ARHGEF17: variants seen among roughly 807,000 people sequenced by gnomAD.
The protein encoded by ARHGEF17 is 164 kDa Rho-specific guanine-nucleotide exchange factor.
In ARHGEF17, 80 loss-of-function variants were observed where a neutral mutation model predicts 174.0. That is an observed-to-expected ratio of 0.46 (90% CI 0.38 to 0.55). The LOEUF is 0.55. Among genes scored for constraint, ARHGEF17 ranks in the 20% least tolerant of loss-of-function variants. ARHGEF17 has a pLI of 0.00. For synonymous variants in ARHGEF17, 1,311 were observed against 1,189.1 expected (o/e 1.10, Z -2.11); for missense variants, 2,886 against 2,839.7 (o/e 1.02, Z -0.37).
At chr11:73,334,047 A>G (rs1469973980) in intron 1 of ARHGEF17, among the ~76,000 whole-genome samples, 2 of 152,234 alleles carry the variant, frequency 1.3e-5, no homozygotes, top group African/African-American at 4.8e-5. Context: ...TGTTGTAGGC[A>G]TGGAAGCTGC....
chr11:73,334,499 T>G (rs1865256664), intron 1 of ARHGEF17, among the ~76,000 whole-genome samples: 1 of 152,124 alleles, frequency 6.6e-6, no homozygotes, highest in Non-Finnish European at 1.5e-5. Context: ...TCCCTAGGTC[T>G]CTGGTGGCAT....
At position 73,308,422 on chromosome 11, in the gene ARHGEF17, G is replaced by C. The variant is rs1035802704; in HGVS notation, c.-217G>C. On this transcript the variant is annotated 5_prime_UTR_variant, in exon 1 of 21. Transcript: ENST00000263674. ...GGGGCTGGGCCTGGGGGTCGGCGCT[G>C]AGGCGGGAGGGGCCGCCCGGGATGG... 1 of 432,976 alleles carries C rather than the reference G, an allele frequency of 2.3e-6. No homozygotes were observed. Among genetic ancestry groups the C allele is most frequent in the African/African-American group, 2.1e-5 (1 of 48,674 alleles). 26.8% of individuals were successfully genotyped at this position (432,976 alleles called of 1,614,324 possible). A position where few individuals can be genotyped will look rare whatever the true frequency, so the allele number is the denominator to read the frequency against.
At chr11:73,314,705 G>A (rs1346354808) in intron 1 of ARHGEF17, among the ~76,000 whole-genome samples, 3 of 152,104 alleles carry the variant, frequency 2.0e-5, no homozygotes, top group Admixed American at 2.0e-4. Flanking sequence ...TGTGTGCCGG[G>A]AGGTGAGGAG....
rs374477613 is a variant in ARHGEF17 at position 73,363,729 on chromosome 11, G to A, written c.5247-18G>A. ...TGTGCCCCAAGCATTTGTCCCAGGT[G>A]CATACCCCGATCCACAGTGTCCACG... On this transcript the variant is annotated intron_variant, in intron 15 of 20. Transcript: ENST00000263674. 1.1e-5 allele frequency: 17 copies of A among 1,613,626 alleles called. No homozygotes were observed. The African/African-American group carries it at 1.7e-4, about 16-fold the overall frequency.
rs1865871909 is a variant in ARHGEF17, at chr11:73,368,033, A to C, written c.*253A>C. ...CGGGTGGGGGACATGTGGGCTGACC[A>C]GGACCTCTGACCCTGGAGCTTCTAC... is the stretch of plus-strand genomic sequence containing the variant. On this transcript the variant is annotated 3_prime_UTR_variant, in exon 21 of 21. Transcript: ENST00000263674. 2.2e-6 allele frequency: 1 copy of C among 446,330 alleles called. No homozygotes were observed. The highest frequency in any genetic ancestry group is 4.1e-6 in the Non-Finnish European group (1 of 246,418). The allele number at this position is 446,330 out of a possible 1,614,324, so 27.6% of individuals were successfully genotyped here.
rs199691343 is a variant in ARHGEF17 at position 73,365,442 on chromosome 11, A to C, written c.5603A>C (p.Asp1868Ala). ...DSSRCVACMV[D>A]SSLGVWVTLK... ...AGCCGCTGCGTGGCTTGCATGGTGG[A>C]CTCCAGCCTGGGTGTGTGGGTGACA... Residue 1868 changes from aspartate to alanine, a missense_variant, in exon 19 of 21, where the codon GAC (aspartate) becomes GCC (alanine). Asp to Ala is a moderately radical substitution (Grantham distance 126). Coordinates refer to ENST00000263674, the MANE Select transcript of ARHGEF17 (RefSeq NM_014786.4). This position sits in a 1 kb window ranked among gnomAD's most constrained non-coding sequence, Gnocchi z 4.9. 17 of 1,613,704 alleles carry C rather than the reference A, an allele frequency of 1.1e-5. No individual in the cohort carries two copies. Among genetic ancestry groups the C allele is most frequent in the Non-Finnish European group, 9.3e-6 (11 of 1,179,984 alleles).
At chr11:73,328,977 A>C (rs1343989175) in intron 1 of ARHGEF17, among the ~76,000 whole-genome samples, 1 of 152,154 alleles carries the variant, frequency 6.6e-6, no homozygotes, top group Non-Finnish European at 1.5e-5. Flanking sequence ...GGCTGTTCAG[A>C]GATGAGACGT....
Position 73,362,561 on chromosome 11 carries a change from T to C in ARHGEF17, c.4823T>C (p.Leu1608Pro). ...TLAEPGPQPCLHISIAGSGLE... is the reference protein window; with the variant it reads ...TLAEPGPQPCPHISIAGSGLE... ...GCGGAGCCGGGGCCGCAGCCCTGCC[T>C]TCACATCTCCATTGCAGGCTCGGGC... is the stretch of plus-strand genomic sequence containing the variant. Residue 1608 changes from leucine to proline, a missense_variant, in exon 14 of 21, where the codon CTT (leucine) becomes CCT (proline). This residue lies in a region of ARHGEF17 where 476 missense variants were observed against 473.1 expected (regional missense o/e 1.01). Transcript: ENST00000263674. 6.2e-7 allele frequency: 1 copy of C among 1,609,450 alleles called. No homozygotes were observed. Among genetic ancestry groups the C allele is most frequent in the Non-Finnish European group, 8.5e-7 (1 of 1,179,642 alleles).
chr11:73,317,311 G>C (rs1489658610), intron 1 of ARHGEF17, among the ~76,000 whole-genome samples: 3 of 152,154 alleles, frequency 2.0e-5, no homozygotes, highest in Admixed American at 6.5e-5. Context: ...ACCCCCCAAG[G>C]TAGCCCCATC....
At chr11:73,344,653 G>A (rs568170414) in intron 1 of ARHGEF17, among the ~76,000 whole-genome samples, 9 of 152,362 alleles carry the variant, frequency 5.9e-5, no homozygotes, top group Non-Finnish European at 1.2e-4. Context: ...GACCTGCTGC[G>A]TGTGGACAGA....
chr11:73,361,878 C>T (rs1243561942), intron 12 of ARHGEF17, among the ~76,000 whole-genome samples, 162 bp from the exon 13 acceptor site: 1 of 151,212 alleles, frequency 6.6e-6, no homozygotes, highest in Non-Finnish European at 1.5e-5. Flanking sequence ...GGTCCTGTGC[C>T]GCGTGTATGT....
chr11:73,308,985 A>C lies in ARHGEF17; in HGVS notation c.347A>C (p.Glu116Ala), dbSNP rs1050990089. Residue 116 changes from glutamate (E) to alanine (A), a missense_variant, in exon 1 of 21, where the codon GAG becomes GCG. By Grantham distance (107) the Glu-to-Ala change is moderately radical (BLOSUM62 -1). Coordinates refer to ENST00000263674, the MANE Select transcript of ARHGEF17 (RefSeq NM_014786.4). Reference protein sequence around the residue: ...VLPAAAEEAAEGPARGAWPSV... With the variant: ...VLPAAAEEAAAGPARGAWPSV... The stretch of plus-strand genomic sequence containing the variant: ...CCCGCGGCCGCGGAAGAAGCGGCCG[A>C]GGGCCCAGCGCGAGGAGCCTGGCCC... 27 of 1,374,700 alleles carry C rather than the reference A, an allele frequency of 2.0e-5. No homozygotes were observed. The highest frequency in any genetic ancestry group is 2.4e-5 in the Non-Finnish European group (26 of 1,069,004). The allele number at this position is 1,374,700 out of a possible 1,614,324, so 85.2% of individuals were successfully genotyped here.
At position 73,310,827 on chromosome 11, in the gene ARHGEF17, C is replaced by T. The variant is rs1438247019; in HGVS notation, c.2189C>T (p.Ala730Val). 2 of 1,612,046 alleles carry T rather than the reference C, an allele frequency of 1.2e-6. No homozygotes were observed. Among genetic ancestry groups the T allele is most frequent in the African/African-American group, 2.7e-5 (2 of 75,024 alleles). Residue 730 changes from alanine to valine, a missense_variant, in exon 1 of 21, where the codon GCC (alanine) becomes GTC (valine). This residue lies in a region of ARHGEF17 where 1,728 missense variants were observed against 1,461.2 expected (regional missense o/e 1.18). Coordinates refer to ENST00000263674, the MANE Select transcript of ARHGEF17 (RefSeq NM_014786.4). ...SELSNGEAGE[A>V]YRSLSDPIPQ... is the part of the protein sequence containing the mutation. ...TTGAGCAATGGGGAGGCAGGGGAGG[C>T]CTACAGGTCCCTGAGTGACCCAATT...
At chr11:73,330,932 G>A (rs1455820633) in intron 1 of ARHGEF17, among the ~76,000 whole-genome samples, 1 of 152,226 alleles carries the variant, frequency 6.6e-6, no homozygotes, top group Admixed American at 6.5e-5. Context: ...GGCACAGCAG[G>A]TGGGGGTGGG....
At chr11:73,332,550 G>C (rs1865225843) in intron 1 of ARHGEF17, among the ~76,000 whole-genome samples, 1 of 152,152 alleles carries the variant, frequency 6.6e-6, no homozygotes, top group Non-Finnish European at 1.5e-5. Context: ...TGGACCTTGA[G>C]GTTGTCGCCA....
In ARHGEF17 at chr11:73,369,017, C is replaced by T. The variant is rs1400220055; in HGVS notation, c.*1237C>T. On this transcript the variant is annotated 3_prime_UTR_variant, in exon 21 of 21. Transcript: ENST00000263674. ...TCTTAGATTATGTTTCTCTTGCTACCAAACAGTCATGTATTAACTCTCTTT... is the reference window on the plus strand; with the variant it reads ...TCTTAGATTATGTTTCTCTTGCTACTAAACAGTCATGTATTAACTCTCTTT... 2.0e-5 allele frequency: 3 copies of T among 152,484 alleles called. No individual in the cohort carries two copies. The highest frequency in any genetic ancestry group is 4.1e-4 in the South Asian group (2 of 4,828). 9.4% of individuals were successfully genotyped at this position (152,484 alleles called of 1,614,324 possible). A position where few individuals can be genotyped will look rare whatever the true frequency, so the allele number is the denominator to read the frequency against.
At chr11:73,331,805 T>C (rs1246203865) in intron 1 of ARHGEF17, among the ~76,000 whole-genome samples, 1 of 152,186 alleles carries the variant, frequency 6.6e-6, no homozygotes, top group African/African-American at 2.4e-5. Context: ...CTCCCAGCTC[T>C]CACCTGGAGA....
At chr11:73,318,099 C>T (rs1431652762) in intron 1 of ARHGEF17, among the ~76,000 whole-genome samples, 11 of 152,136 alleles carry the variant, frequency 7.2e-5, no homozygotes, top group Non-Finnish European at 1.5e-4. Flanking sequence ...AGGAGGATCT[C>T]GGTTGCAGAA....
At chr11:73,342,005 G>A (rs1368953765) in intron 1 of ARHGEF17, among the ~76,000 whole-genome samples, 1 of 152,206 alleles carries the variant, frequency 6.6e-6, no homozygotes, top group African/African-American at 2.4e-5. Flanking sequence ...AGTCCAGATT[G>A]AGTCTAGGAT....
Sources: allele counts gnomAD v4.1 joint callset (sites outside exome capture counted in the v4.1 genomes callset), GRCh38; gene constraint gnomAD v4.1.1; regional missense constraint gnomAD v4.1.1; non-coding constraint Gnocchi (gnomAD v3.1); transcripts MANE v1.5; gene names NCBI Gene and HGNC (gene_info 2026-07-23, HGNC 2026-07-21).